Variants in ZPLD1 observed in about 807,000 individuals in gnomAD.
ZPLD1 encodes the protein zona pellucida like domain containing 1.
In ZPLD1, 34 loss-of-function variants were observed where a neutral mutation model predicts 47.2. That is an observed-to-expected ratio of 0.72 (90% CI 0.55 to 0.96). The LOEUF (loss-of-function observed/expected upper bound fraction) is 0.96. ZPLD1 is among the 40% of genes least tolerant of loss of function. ZPLD1 has a pLI of 0.00. For synonymous variants in ZPLD1, 176 were observed against 186.2 expected, an observed-to-expected ratio of 0.95 and a Z score of 0.45; for missense variants, 512 against 505.8, an observed-to-expected ratio of 1.01 and a Z score of -0.12.
At chr3:102,477,095 C>A in intron 11 of ZPLD1, 54 bp downstream of exon 11, 2 of 1,587,386 alleles carry the variant, frequency 1.3e-6, no homozygotes, top group South Asian at 2.2e-5. Flanking sequence ...TGATCAGTTA[C>A]AAAGCTGTAA....
chr3:102,469,247 A>T (rs777348520), intron 9 of ZPLD1, 112 bp downstream of exon 9: 50 of 1,115,904 alleles, frequency 4.5e-5, no homozygotes, highest in Non-Finnish European at 6.0e-5. Context: ...TAGATCAAAT[A>T]GTTTGAAGTA....
rs144383721 is a variant in ZPLD1, at chr3:102,438,496, A to G, written c.9A>G (p.Gln3=). The G allele has an allele frequency of 1.6e-4, 255 of 1,613,714 alleles. No individual in the cohort carries two copies. Among genetic ancestry groups the G allele is most frequent in the Non-Finnish European group, 2.1e-4 (245 of 1,179,784 alleles). ME[Q]IWLLLLLTIR... is the part of the protein sequence containing the mutation. ...CTTTTCCAGGTTTTGCAATGGAACA[A>G]ATATGGTTGCTGCTGCTTCTAACAA... is the stretch of plus-strand genomic sequence containing the variant. The change falls in exon 3 of 12, where the codon CAA becomes CAG. Residue 3 remains glutamine (Q), a synonymous_variant. Transcript: ENST00000466937.
intron 3 of ZPLD1, among the ~76,000 whole-genome samples, chr3:102,441,279 AT>A (rs963428849): frequency 6.6e-6 from 1 of 152,204 alleles, no homozygotes; most frequent in Non-Finnish European, 1.5e-5. Context: ...CATATGGTGA[AT>A]TTTTAAAAAA....
intron 8 of ZPLD1, among the ~76,000 whole-genome samples, chr3:102,423,934 C>A (rs1210586431): frequency 6.6e-6 from 1 of 152,154 alleles, no homozygotes; most frequent in Admixed American, 6.6e-5. Context: ...TCACATACTC[C>A]ATTCCAGGTA....
At chr3:102,402,401 C>G (rs1012187273) in intron 7 of ZPLD1, among the ~76,000 whole-genome samples, 1 of 152,038 alleles carries the variant, frequency 6.6e-6, no homozygotes, top group Non-Finnish European at 1.5e-5. Context: ...AAAGCTTGAA[C>G]ATCAACTAAA....
rs1458792001 is a variant in ZPLD1 at position 102,478,887 on chromosome 3, A to G, written c.*1269A>G. 6.6e-6 allele frequency: 1 copy of G among 152,234 alleles called. No individual in the cohort carries two copies. Among genetic ancestry groups the G allele is most frequent in the African/African-American group, 2.4e-5 (1 of 41,460 alleles). 9.4% of individuals were successfully genotyped at this position (152,234 alleles called of 1,614,324 possible). On this transcript the variant is annotated 3_prime_UTR_variant, in exon 12 of 12. Coordinates refer to ENST00000466937, the MANE Select transcript of ZPLD1 (RefSeq NM_001329788.2). Reference sequence around the variant, plus strand: ...GTGAAGTTACTAGAATTGCCATGTTAACTATAAGCAATTGCTGTAATCACT... The same window carrying G: ...GTGAAGTTACTAGAATTGCCATGTTGACTATAAGCAATTGCTGTAATCACT...
chr3:102,447,649 C>G (rs1490309340), intron 3 of ZPLD1, among the ~76,000 whole-genome samples: 2 of 152,092 alleles, frequency 1.3e-5, no homozygotes, highest in Non-Finnish European at 2.9e-5. Flanking sequence ...TCCAACAGTA[C>G]TGAGATGAAC....
intron 6 of ZPLD1, among the ~76,000 whole-genome samples, chr3:102,461,275 T>C (rs945394490): frequency 6.6e-6 from 1 of 152,132 alleles, no homozygotes; most frequent in Non-Finnish European, 1.5e-5. Context: ...AGGGAAACAA[T>C]TGGCCTCTGT....
At chr3:102,406,205 T>A (rs565475553) in intron 7 of ZPLD1, among the ~76,000 whole-genome samples, 86 of 152,034 alleles carry the variant, frequency 5.7e-4, no homozygotes, top group African/African-American at 2.0e-3. Context: ...AAAGTCTAAA[T>A]TAACTTTGAA....
At chr3:102,408,051 T>G (rs1706711324) in intron 7 of ZPLD1, among the ~76,000 whole-genome samples, 1 of 151,802 alleles carries the variant, frequency 6.6e-6, no homozygotes, top group African/African-American at 2.4e-5. Flanking sequence ...AGAAAGTGCT[T>G]TATGTTATTA....
intron 7 of ZPLD1, among the ~76,000 whole-genome samples, chr3:102,407,260 C>A (rs1273999258): frequency 1.3e-5 from 2 of 150,380 alleles, no homozygotes; most frequent in African/African-American, 4.9e-5. Flanking sequence ...TATTGTTTTG[C>A]AGCTGGGTAG....
Position 102,477,006 on chromosome 3 carries a change from C to T in ZPLD1, c.1043-6C>T, listed in dbSNP as rs746134528. 4 of 1,613,064 alleles carry T rather than the reference C, an allele frequency of 2.5e-6. No individual in the cohort carries two copies. The South Asian group carries it at 4.4e-5, about 18-fold the overall frequency. Reference sequence around the variant, plus strand: ...TCACTTCTCTTTTTCTGTTTTTTCCCCTCAGATGAGACTCCAACCAACAAT... The same window carrying T: ...TCACTTCTCTTTTTCTGTTTTTTCCTCTCAGATGAGACTCCAACCAACAAT... On this transcript the variant is annotated splice_polypyrimidine_tract_variant and splice_region_variant and intron_variant, in intron 10 of 11. Coordinates refer to ENST00000466937, the MANE Select transcript of ZPLD1 (RefSeq NM_001329788.2).
intron 10 of ZPLD1, among the ~76,000 whole-genome samples, chr3:102,474,662 A>T (rs558706473): frequency 5.3e-4 from 81 of 152,314 alleles, no homozygotes; most frequent in African/African-American, 1.9e-3. Context: ...TTTGGTGGTC[A>T]TTTTTAAAAT....
intron 8 of ZPLD1, among the ~76,000 whole-genome samples, chr3:102,465,571 G>A (rs1707577643): frequency 6.6e-6 from 1 of 152,074 alleles, no homozygotes; most frequent in South Asian, 2.1e-4. Context: ...TAGGGTTATG[G>A]ATTTTTTTTG....
At chr3:102,398,048 A>G (rs553847877) in intron 7 of ZPLD1, among the ~76,000 whole-genome samples, 7 of 152,288 alleles carry the variant, frequency 4.6e-5, no homozygotes, top group African/African-American at 1.7e-4. Context: ...GCACACCCAC[A>G]TAATATACAC....
At chr3:102,467,659 C>G (rs913381959) in intron 8 of ZPLD1, among the ~76,000 whole-genome samples, 3 of 151,802 alleles carry the variant, frequency 2.0e-5, no homozygotes, top group Non-Finnish European at 4.4e-5. Flanking sequence ...ACTCAATATA[C>G]CATAATAAAA....
chr3:102,405,238 C>G (rs2107294744), intron 7 of ZPLD1, among the ~76,000 whole-genome samples: 1 of 152,022 alleles, frequency 6.6e-6, no homozygotes, highest in South Asian at 2.1e-4. Flanking sequence ...GGTTCATTCT[C>G]TGATTTGCAG....
rs186880764 is a variant in ZPLD1, at chr3:102,478,817, C to T, written c.*1199C>T. 6.6e-6 allele frequency: 1 copy of T among 152,314 alleles called. No individual in the cohort carries two copies. The highest frequency in any genetic ancestry group is 2.4e-5 in the African/African-American group (1 of 41,584). 9.4% of individuals were successfully genotyped at this position (152,314 alleles called of 1,614,324 possible). A position where few individuals can be genotyped will look rare whatever the true frequency, so the allele number is the denominator to read the frequency against. ...TCTCTTTGTTTAAGCTACCTATGCA[C>T]TGAACAAACAAAACAATTTAATAGC... On this transcript the variant is annotated 3_prime_UTR_variant, in exon 12 of 12. Transcript: ENST00000466937.
At chr3:102,458,407 T>C (rs1374638220) in intron 6 of ZPLD1, among the ~76,000 whole-genome samples, 1 of 152,198 alleles carries the variant, frequency 6.6e-6, no homozygotes, top group Non-Finnish European at 1.5e-5. Context: ...GAAAAATACA[T>C]GGATTTCTAT....
Sources: allele counts gnomAD v4.1 joint callset (sites outside exome capture counted in the v4.1 genomes callset), GRCh38; gene constraint gnomAD v4.1.1; transcripts MANE v1.5; gene names NCBI Gene and HGNC (gene_info 2026-07-23, HGNC 2026-07-21).